The following FCSK variants were observed in gnomAD, a reference collection of about 807,000 sequenced individuals.
FCSK encodes L-fucose kinase.
In FCSK, 123 loss-of-function variants were observed where a neutral mutation model predicts 122.5. The ratio of observed to expected loss-of-function variants is 1.00; its 90% CI spans 0.87 to 1.17. The LOEUF (loss-of-function observed/expected upper bound fraction) is 1.17, where lower values mean the gene tolerates loss of function less well. Among genes scored for constraint, FCSK ranks in the 50% most tolerant of loss-of-function variants. The pLI is 0.00. For synonymous variants in FCSK, 620 were observed against 625.5 expected (o/e 0.99, Z 0.13); for missense variants, 1,366 against 1,450.4 (o/e 0.94, Z 0.95).
Position 70,479,213 on chromosome 16 carries a change from C to G in FCSK, c.2963C>G (p.Ser988Trp). 1 of 1,613,740 alleles carries G rather than the reference C, an allele frequency of 6.2e-7. No homozygotes were observed. Among genetic ancestry groups the G allele is most frequent in the Non-Finnish European group, 8.5e-7 (1 of 1,180,040 alleles). Residue 988 changes from serine to tryptophan, a missense_variant, in exon 23 of 24, where the codon TCG (serine) becomes TGG (tryptophan). Ser to Trp is a radical substitution (Grantham distance 177). Transcript: ENST00000288078. The stretch of plus-strand genomic sequence containing the variant: ...CCTCTGCTGGGCCAGTGCCTGACCT[C>G]GTACTGGGAGCAGAAGAAGCTCATG... ...SLPLLGQCLTSYWEQKKLMAP... is the reference protein window; with the variant it reads ...SLPLLGQCLTWYWEQKKLMAP...
At chr16:70,468,097 C>A (rs778866292) in intron 8 of FCSK, 131 bp downstream of exon 8, 3 of 737,596 alleles carry the variant, frequency 4.1e-6, no homozygotes, top group Non-Finnish European at 6.9e-6. Flanking sequence ...ACAGGGTAGC[C>A]TTGGAATTCA....
At position 70,466,215 on chromosome 16, in the gene FCSK, G is replaced by C; in HGVS notation, c.369G>C (p.Leu123Phe). ...VENPEAPVEA[L>F]VCNLDCLLDI... ...ACCCCGAGGCCCCCGTGGAAGCCTTGGTCTGCAACCTGGACTGCCTGCTGG... is the reference window on the plus strand; with the variant it reads ...ACCCCGAGGCCCCCGTGGAAGCCTTCGTCTGCAACCTGGACTGCCTGCTGG... The change falls in exon 5 of 24, where the codon TTG becomes TTC. Residue 123 changes from leucine to phenylalanine, a missense_variant. By Grantham distance (22) the Leu-to-Phe change is conservative. Transcript: ENST00000288078. 2 of 1,613,918 alleles carry C rather than the reference G, an allele frequency of 1.2e-6. No homozygotes were observed.
intron 1 of FCSK, chr16:70,458,093 C>G (rs944863903): frequency 6.6e-6 from 1 of 151,272 alleles, no homozygotes; most frequent in Non-Finnish European, 1.5e-5. Context: ...AAAAAAATCA[C>G]AGCACCTTAA....
At position 70,473,908 on chromosome 16, in the gene FCSK, G is replaced by T. The variant is rs2048712225; in HGVS notation, c.1778-221G>T. Among the ~76,000 whole-genome samples, 1 of 152,174 alleles carries T rather than the reference G, an allele frequency of 6.6e-6. No homozygotes were observed. Among genetic ancestry groups the T allele is most frequent in the African/African-American group, 2.4e-5 (1 of 41,434 alleles). The stretch of plus-strand genomic sequence containing the variant: ...AGCTCTTCACCACTATGGGTGTCCT[G>T]GGTGGGGGTGAAGAGACACCTATGG... On this transcript the variant is annotated intron_variant, in intron 15 of 23. Coordinates refer to ENST00000288078, the MANE Select transcript of FCSK (RefSeq NM_145059.3). The surrounding 1 kb of genome is among the most constrained non-coding windows in gnomAD (Gnocchi z 4.9).
Position 70,478,332 on chromosome 16 carries a change from G to A in FCSK, c.2702G>A (p.Arg901Gln), listed in dbSNP as rs201287158. The A allele has an allele frequency of 1.2e-3, 1,928 of 1,614,180 alleles. No individual in the cohort carries two copies. Among genetic ancestry groups the A allele is most frequent in the Middle Eastern group, 2.1e-3 (13 of 6,056 alleles). The change falls in exon 21 of 24, where the codon CGG becomes CAG. Residue 901 changes from arginine (R) to glutamine (Q), a missense_variant. By Grantham distance (43) the Arg-to-Gln change is conservative. Coordinates refer to ENST00000288078, the MANE Select transcript of FCSK (RefSeq NM_145059.3). ...LMPGIKVGRS[R>Q]AQLPLKVEVE... is the part of the protein sequence containing the mutation. The stretch of plus-strand genomic sequence containing the variant: ...CCTGGCATCAAGGTGGGGCGCTCCC[G>A]GGCTCAGCTGCCACTGAAGGTGGAG...
chr16:70,474,489 G>C (rs1436561164), intron 16 of FCSK, 39 bp from the exon 17 acceptor site: 1 of 1,546,196 alleles, frequency 6.5e-7, no homozygotes. Context: ...CCCCCAGCTT[G>C]GGGCTGCATG....
rs1567704604 is a variant in FCSK at position 70,471,089 on chromosome 16, TGG to T, written c.1170+19_1170+20del. On this transcript the variant is annotated intron_variant, in intron 12 of 23. Coordinates refer to ENST00000288078, the MANE Select transcript of FCSK (RefSeq NM_145059.3). The stretch of plus-strand genomic sequence containing the variant: ...CACCTGCAGGTGAGGCCTGAGCGTG[TGG>T]GCAGATTGGGGCGAGGGTGCTGGCA... 6.3e-7 allele frequency: 1 copy of T among 1,593,780 alleles called. No individual in the cohort carries two copies. The highest frequency in any genetic ancestry group is 1.7e-5 in the Admixed American group (1 of 57,860).
At position 70,466,302 on chromosome 16, in the gene FCSK, C is replaced by T. The variant is rs200691474; in HGVS notation, c.411+45C>T. On this transcript the variant is annotated intron_variant, in intron 5 of 23. Transcript: ENST00000288078. ...CGTGGTGCCTCGTCCCAGATAGAGC[C>T]ACTTCCCTCCCACTGTTCCCCCAGG... 6.2e-6 allele frequency: 10 copies of T among 1,607,634 alleles called. No individual in the cohort carries two copies. In the East Asian group the frequency reaches 9.0e-5, roughly 14 times the overall value.
intron 1 of FCSK, among the ~76,000 whole-genome samples, chr16:70,456,482 G>T (rs2048097430): frequency 6.6e-6 from 1 of 152,080 alleles, no homozygotes. Flanking sequence ...TGATTCCCGA[G>T]GCCTTCCCTG....
In FCSK at chr16:70,473,986, G is replaced by GT. The variant is rs1399678465; in HGVS notation, c.1778-141dup. 4.2e-5 allele frequency: 31 copies of GT among 741,218 alleles called. No homozygotes were observed. Among genetic ancestry groups the GT allele is most frequent in the Non-Finnish European group, 6.8e-5 (30 of 443,612 alleles). The allele number at this position is 741,218 out of a possible 1,614,324, so 45.9% of individuals were successfully genotyped here. A position where few individuals can be genotyped will look rare whatever the true frequency, so the allele number is the denominator to read the frequency against. On this transcript the variant is annotated intron_variant, in intron 15 of 23. Coordinates refer to ENST00000288078, the MANE Select transcript of FCSK (RefSeq NM_145059.3). The surrounding 1 kb of genome is among the most constrained non-coding windows in gnomAD (Gnocchi z 4.9). Reference sequence around the variant, plus strand: ...CTGCCAGGCAGAGAGCAGGAGTGCAGTTACAGTCAAAGATACATTGTGGGC... The same window carrying GT: ...CTGCCAGGCAGAGAGCAGGAGTGCAGTTTACAGTCAAAGATACATTGTGGGC...
Position 70,478,672 on chromosome 16 carries a change from G to C in FCSK, c.2929+22G>C, listed in dbSNP as rs772463379. On this transcript the variant is annotated intron_variant, in intron 22 of 23. Transcript: ENST00000288078. Reference sequence around the variant, plus strand: ...CAAGGTGAGGGGCTTCCTCTGGGGGGGTCAGGGCACTGGGAGCGAGTATTC... The same window carrying C: ...CAAGGTGAGGGGCTTCCTCTGGGGGCGTCAGGGCACTGGGAGCGAGTATTC... 3.1e-6 allele frequency: 5 copies of C among 1,600,900 alleles called. No homozygotes were observed. The Admixed American group carries it at 5.0e-5, about 16-fold the overall frequency.
In FCSK at chr16:70,474,340, G is replaced by A; in HGVS notation, c.1988+1G>A. 3.7e-6 allele frequency: 6 copies of A among 1,612,916 alleles called. No individual in the cohort carries two copies. Among genetic ancestry groups the A allele is most frequent in the Non-Finnish European group, 5.1e-6 (6 of 1,179,764 alleles). ...AGGAGAGGGACAAGTGGCTAAGCAG[G>A]TGTGTACTAATGGAGGTCAGATCCC... On this transcript the variant is annotated splice_donor_variant, in intron 16 of 23. Transcript: ENST00000288078. LOFTEE classifies it high-confidence loss of function.
intron 16 of FCSK, 22 bp downstream of exon 16, chr16:70,474,361 A>G (rs1403069938): frequency 2.5e-6 from 4 of 1,608,706 alleles, no homozygotes; most frequent in South Asian, 2.2e-5. Context: ...TGGAGGTCAG[A>G]TCCCTTGGAT....
Position 70,479,175 on chromosome 16 carries a change from C to G in FCSK, c.2930-5C>G, listed in dbSNP as rs1174269874. 8.1e-6 allele frequency: 13 copies of G among 1,611,446 alleles called. No individual in the cohort carries two copies. The highest frequency in any genetic ancestry group is 1.0e-5 in the Non-Finnish European group (12 of 1,179,196). The stretch of plus-strand genomic sequence containing the variant: ...GGCACGTCACTCCCCTCTGCCCCAC[C>G]TCAGGAAGCCTGCCTCTGCTGGGCC... On this transcript the variant is annotated splice_polypyrimidine_tract_variant and splice_region_variant and intron_variant, in intron 22 of 23. Transcript: ENST00000288078.
intron 18 of FCSK, 95 bp from the exon 19 acceptor site, chr16:70,475,255 A>G: frequency 6.9e-7 from 1 of 1,440,590 alleles, no homozygotes; most frequent in South Asian, 1.2e-5. Context: ...GTCCCACCGG[A>G]TGAGTCCCGC....
Position 70,466,251 on chromosome 16 carries a change from C to T in FCSK, c.405C>T (p.Thr135=). ...CNLDCLLDIM[T]YRLGPGSPPG... ...TGGACTGCCTGCTGGACATCATGAC[C>T]TATCGGGTGAGGCTGGGTGGTGGCC... Residue 135 remains threonine, a synonymous_variant, in exon 5 of 24, where the codon ACC becomes ACT. Coordinates refer to ENST00000288078, the MANE Select transcript of FCSK (RefSeq NM_145059.3). 6.2e-7 allele frequency: 1 copy of T among 1,613,984 alleles called. No homozygotes were observed.
In FCSK at chr16:70,475,749, G is replaced by C. The variant is rs762858394; in HGVS notation, c.2623G>C (p.Glu875Gln). 6.3e-7 allele frequency: 1 copy of C among 1,590,244 alleles called. No homozygotes were observed. Among genetic ancestry groups the C allele is most frequent in the Non-Finnish European group, 8.6e-7 (1 of 1,166,612 alleles). ...CCTGATCCACGCAGTGCTGCACCTG[G>C]AGCAGGTGCTCACCACTGGTATGTG... is the stretch of plus-strand genomic sequence containing the variant. ...EALIHAVLHL[E>Q]QVLTTGGGWQ... Residue 875 changes from glutamate (E) to glutamine (Q), a missense_variant, in exon 20 of 24, where the codon GAG becomes CAG. By Grantham distance (29) the Glu-to-Gln change is conservative. Transcript: ENST00000288078.
intron 6 of FCSK, 78 bp from the exon 7 acceptor site, chr16:70,467,296 C>T (rs1162516332): frequency 2.0e-6 from 2 of 1,010,488 alleles, no homozygotes; most frequent in African/African-American, 3.2e-5. Flanking sequence ...CAGCCCTGGG[C>T]TCTTGCTTCC....
chr16:70,478,567 G>C lies in FCSK; in HGVS notation c.2846G>C (p.Trp949Ser). 2.5e-6 allele frequency: 4 copies of C among 1,613,776 alleles called. No individual in the cohort carries two copies. The highest frequency in any genetic ancestry group is 3.4e-6 in the Non-Finnish European group (4 of 1,180,028). ...CGTCCGCAGGATGTGCTGAGGAGCT[G>C]GTATGCCCGACTTCCTGCTGTGGTG... ...RNLLQDVLRS[W>S]YARLPAVVQN... The change falls in exon 22 of 24, where the codon TGG (tryptophan) becomes TCG (serine). Residue 949 changes from tryptophan (W) to serine (S), a missense_variant. Coordinates refer to ENST00000288078, the MANE Select transcript of FCSK (RefSeq NM_145059.3).
Sources: gnomAD v4.1 joint callset for allele counts (sites outside exome capture counted in the v4.1 genomes callset) on GRCh38, gnomAD v4.1.1 for gene constraint, Gnocchi (gnomAD v3.1) non-coding constraint, MANE v1.5 for transcripts, NCBI Gene and HGNC (gene_info 2026-07-23, HGNC 2026-07-21) for gene names.